Variants in ADGRD1 observed in about 807,000 individuals in gnomAD.
The protein encoded by ADGRD1 is G-protein coupled receptor 133.
ADGRD1 carries 77 observed loss-of-function variants against 113.4 expected under a neutral mutation model. That is an observed-to-expected ratio of 0.68 (90% confidence interval 0.57 to 0.82). The LOEUF (loss-of-function observed/expected upper bound fraction) is 0.82, where lower values mean the gene tolerates loss of function less well. Among genes scored for constraint, ADGRD1 ranks in the 40% least tolerant of loss-of-function variants. ADGRD1 has a pLI of 0.00. For synonymous variants in ADGRD1, 474 were observed against 475.0 expected, an observed-to-expected ratio of 1.00 and a Z score of 0.03; for missense variants, 1,036 against 1,139.1, an observed-to-expected ratio of 0.91 and a Z score of 1.30.
intron 13 of ADGRD1, among the ~76,000 whole-genome samples, chr12:131,019,660 C>T (rs938982581): frequency 2.6e-4 from 40 of 152,348 alleles, no homozygotes; most frequent in African/African-American, 9.4e-4. Context: ...AACATTTTCT[C>T]ATCAGACGGC....
intron 15 of ADGRD1, among the ~76,000 whole-genome samples, chr12:131,094,946 C>T (rs1887179117): frequency 6.6e-6 from 1 of 152,094 alleles, no homozygotes; most frequent in African/African-American, 2.4e-5. Context: ...TCCACCCCCT[C>T]CCGTCTCCTG....
At chr12:131,127,900 G>A (rs112855875) in intron 20 of ADGRD1, among the ~76,000 whole-genome samples, 2 of 83,218 alleles carry the variant, frequency 2.4e-5, no homozygotes, top group African/African-American at 1.1e-4. Flanking sequence ...AGCTCAGGTG[G>A]GGTGTTGGTT....
chr12:130,999,682 G>T (rs1377104173), intron 8 of ADGRD1, among the ~76,000 whole-genome samples: 1 of 152,204 alleles, frequency 6.6e-6, no homozygotes, highest in Non-Finnish European at 1.5e-5. Context: ...GTATGAGGCA[G>T]TGGGGATGGC....
At chr12:131,124,699 A>AAC (rs202089805) in intron 20 of ADGRD1, among the ~76,000 whole-genome samples, 29 of 106,774 alleles carry the variant, frequency 2.7e-4, no homozygotes, top group African/African-American at 8.0e-4. Context: ...TCTCGGCTGT[A>AAC]ACACACACAC....
At chr12:130,982,284 G>A (rs1371669663) in intron 5 of ADGRD1, among the ~76,000 whole-genome samples, 1 of 152,156 alleles carries the variant, frequency 6.6e-6, no homozygotes, top group Non-Finnish European at 1.5e-5. Flanking sequence ...CCTGGGCTCC[G>A]TCTGCCCGTG....
At chr12:131,029,490 C>T (rs914354298) in intron 13 of ADGRD1, among the ~76,000 whole-genome samples, 1 of 151,898 alleles carries the variant, frequency 6.6e-6, no homozygotes, top group East Asian at 1.9e-4. Context: ...GGTTGTGGGA[C>T]TCTCGTACGG....
intron 20 of ADGRD1, among the ~76,000 whole-genome samples, chr12:131,128,884 TG>T (rs1348977029): frequency 1.3e-5 from 2 of 151,136 alleles, no homozygotes; most frequent in African/African-American, 2.4e-5. Context: ...CCCTGCTGTC[TG>T]GGTGTGAGTG....
At chr12:130,959,542 G>A (rs925799675) in intron 2 of ADGRD1, among the ~76,000 whole-genome samples, 1 of 152,196 alleles carries the variant, frequency 6.6e-6, no homozygotes, top group African/African-American at 2.4e-5. Context: ...CTGCACTCCA[G>A]CCTTGGTGAC....
chr12:130,999,371 C>G (rs1407713492), intron 8 of ADGRD1, among the ~76,000 whole-genome samples: 1 of 152,224 alleles, frequency 6.6e-6, no homozygotes. Context: ...CCTGCTCCGG[C>G]TCAGTGAAGG....
Position 131,000,397 on chromosome 12 carries a change from C to T in ADGRD1, c.981C>T (p.Ala327=), listed in dbSNP as rs138575002. Residue 327 remains alanine, a synonymous_variant, in exon 9 of 25, where the codon GCC becomes GCT. Transcript: ENST00000261654. ...TCCACCTTTAGACCTTCTTAAAAGC[C>T]GTGGGAGAGATCCTTCTACTGCCTG... The part of the protein sequence containing the change: ...ALNLTKTFLK[A]VGEILLLPGW... 2.5e-4 allele frequency: 406 copies of T among 1,613,004 alleles called. 2 individuals carry two copies. The highest frequency in any genetic ancestry group is 2.2e-3 in the Middle Eastern group (13 of 6,004).
chr12:131,019,321 A>G (rs968711446), intron 13 of ADGRD1, among the ~76,000 whole-genome samples: 3 of 152,154 alleles, frequency 2.0e-5, no homozygotes, highest in African/African-American at 7.2e-5. Context: ...AGGGCTACGC[A>G]GGAGGCCTTT....
chr12:131,033,355 A>G (rs1881019504), intron 13 of ADGRD1, among the ~76,000 whole-genome samples: 1 of 152,196 alleles, frequency 6.6e-6, no homozygotes. Flanking sequence ...CATGCACCCC[A>G]CAAGCACTGC....
intron 13 of ADGRD1, among the ~76,000 whole-genome samples, chr12:131,020,971 A>T (rs1879247328): frequency 6.6e-6 from 1 of 152,226 alleles, no homozygotes; most frequent in African/African-American, 2.4e-5. Context: ...AGCTAATTCA[A>T]ATTTGTTTCC....
At chr12:131,114,583 C>T (rs923876499) in intron 18 of ADGRD1, among the ~76,000 whole-genome samples, 5 of 152,154 alleles carry the variant, frequency 3.3e-5, no homozygotes, top group African/African-American at 1.2e-4. Context: ...GGCAGTTGGG[C>T]TCTCTCGACC....
intron 8 of ADGRD1, among the ~76,000 whole-genome samples, chr12:130,995,875 G>C (rs985343438): frequency 6.6e-6 from 1 of 152,104 alleles, no homozygotes; most frequent in East Asian, 1.9e-4. Context: ...AGTGAACAAA[G>C]AAACAAGTGA....
chr12:131,030,426 G>C (rs938220749), intron 13 of ADGRD1: 1 of 152,740 alleles, frequency 6.5e-6, no homozygotes, highest in Non-Finnish European at 1.5e-5. Context: ...AATGCAGCTA[G>C]ATCTCAGAAT....
chr12:131,139,671 G>C lies in ADGRD1; in HGVS notation c.*408G>C, dbSNP rs1037192425. The stretch of plus-strand genomic sequence containing the variant: ...TGCCTTGGTGGGGCTTGGGGACTCA[G>C]GGCCAAAGAGGTGGTTCAGGTCCCC... On this transcript the variant is annotated 3_prime_UTR_variant, in exon 25 of 25. Coordinates refer to ENST00000261654, the MANE Select transcript of ADGRD1 (RefSeq NM_198827.5). The C allele has an allele frequency of 5.9e-6, 1 of 170,100 alleles. No individual in the cohort carries two copies. Among genetic ancestry groups the C allele is most frequent in the African/African-American group, 2.4e-5 (1 of 42,118 alleles). The allele number at this position is 170,100 out of a possible 1,614,324, so 10.5% of individuals were successfully genotyped here. A position where few individuals can be genotyped will look rare whatever the true frequency, so the allele number is the denominator to read the frequency against.
intron 13 of ADGRD1, among the ~76,000 whole-genome samples, chr12:131,016,186 A>G (rs558652398): frequency 6.6e-6 from 1 of 152,364 alleles, no homozygotes; most frequent in Admixed American, 6.5e-5. Context: ...GCGCTGTATT[A>G]GCACAGAGTC....
In ADGRD1 at chr12:130,955,011, G is replaced by A. The variant is rs138519499; in HGVS notation, c.103+351G>A. Among the ~76,000 whole-genome samples the A allele has an allele frequency of 8.4e-3, 1,275 of 151,250 alleles. 21 individuals carry two copies. Among genetic ancestry groups the A allele is most frequent in the African/African-American group, 0.029 (1,193 of 40,988 alleles). ...TCTTTTTGAGATGGAGTCTTGCTCT[G>A]TTGCCCAGGCTGGAGTGCAGTGGCC... is the stretch of plus-strand genomic sequence containing the variant. On this transcript the variant is annotated intron_variant, in intron 2 of 24. Transcript: ENST00000261654.
Sources: gnomAD v4.1 joint callset for allele counts (sites outside exome capture counted in the v4.1 genomes callset) on GRCh38, gnomAD v4.1.1 for gene constraint, MANE v1.5 for transcripts, NCBI Gene and HGNC (gene_info 2026-07-23, HGNC 2026-07-21) for gene names.